Variants in LPAR1 observed in about 807,000 individuals in gnomAD.
The protein encoded by LPAR1 is lysophosphatidic acid receptor 1, also known as LPA receptor 1.
In LPAR1, 5 loss-of-function variants were observed where a neutral mutation model predicts 23.8. That is an observed-to-expected ratio of 0.21 (90% CI 0.11 to 0.44). LPAR1 has a LOEUF of 0.44. Among genes scored for constraint, LPAR1 ranks in the 20% least tolerant of loss-of-function variants. The pLI, the probability that LPAR1 is intolerant of heterozygous loss-of-function variation, is 0.99. For missense variants in LPAR1, 311 were observed against 482.8 expected (o/e 0.64, Z 3.33); for synonymous variants, 160 against 164.7 (o/e 0.97, Z 0.22).
chr9:110,896,344 G>C (rs2086326773), intron 5 of LPAR1, among the ~76,000 whole-genome samples: 1 of 152,070 alleles, frequency 6.6e-6, no homozygotes, highest in East Asian at 1.9e-4. Context: ...GTAAAGTTTT[G>C]AGGTGCAATT....
chr9:110,911,165 T>C (rs1228033723), intron 5 of LPAR1, among the ~76,000 whole-genome samples: 4 of 152,086 alleles, frequency 2.6e-5, no homozygotes, highest in Non-Finnish European at 5.9e-5. Flanking sequence ...TTTTAAGAAA[T>C]TGCCACAGCC....
At chr9:110,963,036 C>T (rs544085174) in intron 4 of LPAR1, among the ~76,000 whole-genome samples, 2 of 152,200 alleles carry the variant, frequency 1.3e-5, no homozygotes, top group African/African-American at 2.4e-5. Context: ...CGAGATTGGG[C>T]AAACAGTTCC....
At chr9:111,023,782 A>G (rs1323109586) in intron 2 of LPAR1, among the ~76,000 whole-genome samples, 1 of 152,236 alleles carries the variant, frequency 6.6e-6, no homozygotes, top group African/African-American at 2.4e-5. Flanking sequence ...TAAAATGAAA[A>G]TGAACAAATT....
At chr9:110,930,253 A>T (rs570849229) in intron 5 of LPAR1, among the ~76,000 whole-genome samples, 1 of 152,264 alleles carries the variant, frequency 6.6e-6, no homozygotes, top group South Asian at 2.1e-4. Context: ...GTGGTGGCTC[A>T]CGCCTGTAAT....
chr9:110,957,131 G>T (rs10980658), intron 4 of LPAR1, among the ~76,000 whole-genome samples: 36,756 of 151,676 alleles, frequency 0.24, 4,740 homozygotes, highest in Admixed American at 0.3. Flanking sequence ...ATTTTGGGAG[G>T]TCAAGGTGGG....
intron 5 of LPAR1, among the ~76,000 whole-genome samples, chr9:110,899,503 A>G (rs1312141170): frequency 2.0e-5 from 3 of 152,230 alleles, no homozygotes; most frequent in Admixed American, 6.5e-5. Flanking sequence ...AAAGGCATTT[A>G]CGTAGCTAAA....
At chr9:110,914,312 GC>G (rs1370537695) in intron 5 of LPAR1, among the ~76,000 whole-genome samples, 13 of 152,178 alleles carry the variant, frequency 8.5e-5, no homozygotes, top group African/African-American at 2.9e-4. Flanking sequence ...GTTCCACATG[GC>G]TGGGGAGGCC....
In LPAR1 at chr9:110,968,215, T is replaced by C. The variant is rs553848828; in HGVS notation, c.45+3858A>G. ...ACTTTATAACCTAACCCATTTATGC[T>C]AATTCTAGCACTTGCCGATTTCTGC... On this transcript the variant is annotated intron_variant, in intron 4 of 5. Coordinates refer to ENST00000683809, the MANE Select transcript of LPAR1 (RefSeq NM_001351411.2). Among the ~76,000 whole-genome samples the C allele has an allele frequency of 5.9e-5, 9 of 152,324 alleles. No individual in the cohort carries two copies. In the East Asian group the frequency reaches 1.7e-3, roughly 29 times the overall value.
intron 2 of LPAR1, among the ~76,000 whole-genome samples, chr9:111,002,183 T>C (rs1039047641): frequency 6.6e-6 from 1 of 152,170 alleles, no homozygotes; most frequent in African/African-American, 2.4e-5. Flanking sequence ...ACTTACATGT[T>C]TCAGCTGATT....
At chr9:111,021,988 A>T (rs1164337227) in intron 2 of LPAR1, among the ~76,000 whole-genome samples, 1 of 141,364 alleles carries the variant, frequency 7.1e-6, no homozygotes, top group Non-Finnish European at 1.5e-5. Flanking sequence ...AAAAAAAAAA[A>T]AGTCTCAAGA....
chr9:111,006,863 C>T (rs980868124), intron 2 of LPAR1, among the ~76,000 whole-genome samples: 10 of 151,918 alleles, frequency 6.6e-5, no homozygotes, highest in African/African-American at 2.4e-4. Flanking sequence ...TGTCTCCAAC[C>T]AAATCTCACA....
chr9:111,023,590 A>C (rs2097610414), intron 2 of LPAR1, among the ~76,000 whole-genome samples: 1 of 151,814 alleles, frequency 6.6e-6, no homozygotes, highest in Non-Finnish European at 1.5e-5. Flanking sequence ...CGACTGCTTT[A>C]CTCATCACTC....
upstream of LPAR1, chr9:111,038,710 G>C (rs553450876): frequency 2.2e-6 from 1 of 451,246 alleles, no homozygotes; most frequent in Non-Finnish European, 4.5e-6. This position sits in a 1 kb window ranked among gnomAD's most constrained non-coding sequence, Gnocchi z 4.4. Flanking sequence ...TCATTGGCTC[G>C]ACAGCCCACG....
At chr9:111,031,741 C>T (rs559560486) in intron 2 of LPAR1, among the ~76,000 whole-genome samples, 2 of 152,138 alleles carry the variant, frequency 1.3e-5, no homozygotes, top group Non-Finnish European at 2.9e-5. Flanking sequence ...GGCAGGGCTA[C>T]AGATAAAACA....
At chr9:110,875,860 G>A (rs2078974889) in intron 5 of LPAR1, 138 bp from the exon 6 acceptor site, 1 of 472,460 alleles carries the variant, frequency 2.1e-6, no homozygotes, top group African/African-American at 2.0e-5. Context: ...TGTCGCAAAT[G>A]AAATACTCAT....
intron 5 of LPAR1, among the ~76,000 whole-genome samples, chr9:110,900,251 C>T (rs2088287325): frequency 6.6e-6 from 1 of 152,156 alleles, no homozygotes; most frequent in Admixed American, 6.5e-5. Context: ...TTTCCAGCTT[C>T]CAGAAGCTTC....
intron 5 of LPAR1, among the ~76,000 whole-genome samples, chr9:110,894,367 T>C (rs914037310): frequency 6.6e-6 from 1 of 152,194 alleles, no homozygotes; most frequent in African/African-American, 2.4e-5. Flanking sequence ...AATATCCTTA[T>C]CTGTCAAATG....
intron 2 of LPAR1, among the ~76,000 whole-genome samples, chr9:111,012,956 T>TAA (rs1269941694): frequency 1.3e-5 from 2 of 152,182 alleles, no homozygotes; most frequent in Admixed American, 1.3e-4. Context: ...CTTAAAATTT[T>TAA]AATTTTCAAA....
chr9:110,919,088 T>G (rs746843458), intron 5 of LPAR1, among the ~76,000 whole-genome samples: 2 of 152,112 alleles, frequency 1.3e-5, no homozygotes, highest in African/African-American at 2.4e-5. Flanking sequence ...GTGAAGGGGT[T>G]TTGCATATGT....
Sources: gnomAD v4.1 joint callset for allele counts (sites outside exome capture counted in the v4.1 genomes callset) on GRCh38, gnomAD v4.1.1 for gene constraint, Gnocchi (gnomAD v3.1) non-coding constraint, MANE v1.5 for transcripts, NCBI Gene and HGNC (gene_info 2026-07-23, HGNC 2026-07-21) for gene names.